Variants in SPATA6 observed in about 807,000 individuals in gnomAD.
SPATA6 encodes the protein spermatogenesis associated 6, also known as spermatogenesis-associated protein 6.
Under a neutral mutation model 65.3 loss-of-function variants are expected in SPATA6, and 56 were observed. The ratio of observed to expected loss-of-function variants is 0.86; its 90% CI spans 0.69 to 1.07. The LOEUF (loss-of-function observed/expected upper bound fraction) is 1.07, where lower values mean the gene tolerates loss of function less well. Among genes scored for constraint, SPATA6 ranks in the 50% least tolerant of loss-of-function variants. The pLI, the probability that SPATA6 is intolerant of heterozygous loss-of-function variation, is 0.00. For synonymous variants in SPATA6, 199 were observed against 213.2 expected (o/e 0.93, Z 0.58); for missense variants, 590 against 594.8 (o/e 0.99, Z 0.08).
At chr1:48,436,790 A>C in intron 3 of SPATA6, 2 of 1,614,172 alleles carry the variant, frequency 1.2e-6, no homozygotes, top group Non-Finnish European at 1.7e-6. Context: ...CATAGAACTC[A>C]GATGCTGTTA....
At chr1:48,368,127 A>C (rs1457088054) in intron 9 of SPATA6, among the ~76,000 whole-genome samples, 2 of 151,890 alleles carry the variant, frequency 1.3e-5, no homozygotes, top group Admixed American at 6.6e-5. Context: ...ATTGGCCCCC[A>C]CTCTCTCCTG....
At chr1:48,430,619 T>G (rs1191419223) in intron 3 of SPATA6, among the ~76,000 whole-genome samples, 1 of 152,196 alleles carries the variant, frequency 6.6e-6, no homozygotes, top group Admixed American at 6.5e-5. Flanking sequence ...ACTCCACATT[T>G]TTGTTTGCAA....
Position 48,411,502 on chromosome 1 carries a change from T to C in SPATA6, c.367A>G (p.Asn123Asp). 6.2e-7 allele frequency: 1 copy of C among 1,608,884 alleles called. No homozygotes were observed. Among genetic ancestry groups the C allele is most frequent in the Non-Finnish European group, 8.5e-7 (1 of 1,177,090 alleles). Residue 123 changes from asparagine to aspartate, a missense_variant, in exon 5 of 13, where the codon AAC becomes GAC. Transcript: ENST00000371847. Reference protein sequence around the residue: ...PNQMSGHHDSNRQVTMRRISG... With the variant: ...PNQMSGHHDSDRQVTMRRISG... ...ATCCTCCTCATGGTAACCTGGCGGT[T>C]TGAATCATGGTGTCCAGACATTTGG...
chr1:48,369,625 C>T (rs571636860), intron 9 of SPATA6, among the ~76,000 whole-genome samples: 4 of 152,276 alleles, frequency 2.6e-5, no homozygotes, highest in Admixed American at 6.5e-5. Context: ...TTAAGCCCGT[C>T]GGAAAAGCGC....
At chr1:48,397,033 A>G (rs979002704) in intron 7 of SPATA6, among the ~76,000 whole-genome samples, 1 of 151,720 alleles carries the variant, frequency 6.6e-6, no homozygotes, top group African/African-American at 2.4e-5. Flanking sequence ...AGCCATAAAA[A>G]GGAATCAAGT....
chr1:48,434,339 A>C (rs1301563547), intron 3 of SPATA6, among the ~76,000 whole-genome samples: 4 of 151,980 alleles, frequency 2.6e-5, no homozygotes, highest in African/African-American at 7.2e-5. Context: ...TTTAAAAATA[A>C]ATAATATGTC....
At chr1:48,402,957 T>C (rs1394981594) in intron 6 of SPATA6, among the ~76,000 whole-genome samples, 1 of 152,128 alleles carries the variant, frequency 6.6e-6, no homozygotes, top group Non-Finnish European at 1.5e-5. Context: ...GGTGGGCAGA[T>C]TGCTTGAGCT....
At chr1:48,374,016 A>G (rs1195122711) in intron 9 of SPATA6, among the ~76,000 whole-genome samples, 2 of 152,162 alleles carry the variant, frequency 1.3e-5, no homozygotes, top group Admixed American at 6.5e-5. Context: ...TGCACAGTCT[A>G]TTGGCTAGAA....
intron 11 of SPATA6, among the ~76,000 whole-genome samples, chr1:48,317,697 CAAAG>C (rs554588120): frequency 2.6e-5 from 4 of 151,804 alleles, no homozygotes; most frequent in Admixed American, 6.6e-5. Context: ...AAACTTAACA[CAAAG>C]AAGAGCTCAA....
intron 11 of SPATA6, among the ~76,000 whole-genome samples, chr1:48,315,812 T>C (rs999445604): frequency 6.6e-6 from 1 of 152,164 alleles, no homozygotes; most frequent in African/African-American, 2.4e-5. Flanking sequence ...GCCCAAAATC[T>C]CCTTAAGCTG....
the SPATA6 span, among the ~76,000 whole-genome samples, chr1:48,277,683 G>A: frequency 1.2e-4 from 19 of 152,208 alleles, no homozygotes; most frequent in South Asian, 8.3e-4. Flanking sequence ...TGGGAAGCTC[G>A]AACTGGGTGG....
intron 11 of SPATA6, among the ~76,000 whole-genome samples, chr1:48,334,076 C>T (rs1645992001): frequency 6.6e-6 from 1 of 151,968 alleles, no homozygotes. Flanking sequence ...CAAGACTAAA[C>T]ATGGAAGAAA....
downstream of SPATA6, among the ~76,000 whole-genome samples, chr1:48,292,703 G>A (rs539031184): frequency 6.6e-6 from 1 of 152,374 alleles, no homozygotes; most frequent in South Asian, 2.1e-4. Flanking sequence ...AGCTGGGTAA[G>A]GGCATGCACG....
intron 11 of SPATA6, chr1:48,325,221 G>C (rs1188756375): frequency 2.8e-6 from 2 of 723,486 alleles, no homozygotes; most frequent in Non-Finnish European, 4.9e-6. Context: ...GGCACAATGG[G>C]AGTCAAGTCC....
At chr1:48,312,024 G>A (rs1348750867) in intron 11 of SPATA6, among the ~76,000 whole-genome samples, 3 of 152,272 alleles carry the variant, frequency 2.0e-5, no homozygotes, top group Admixed American at 2.0e-4. Context: ...CTGGGGGAGG[G>A]GCGCCCATTG....
intron 11 of SPATA6, among the ~76,000 whole-genome samples, chr1:48,306,434 G>C (rs1645064267): frequency 6.6e-6 from 1 of 151,938 alleles, no homozygotes. Context: ...TGTATGGGCA[G>C]CCTGTTCTTA....
intron 9 of SPATA6, among the ~76,000 whole-genome samples, chr1:48,372,827 C>T (rs2148864256): frequency 6.6e-6 from 1 of 152,334 alleles, no homozygotes; most frequent in African/African-American, 2.4e-5. Context: ...CTTGGGGCTT[C>T]CACCCTCTGA....
chr1:48,281,655 C>A, the SPATA6 span, among the ~76,000 whole-genome samples: 1 of 151,178 alleles, frequency 6.6e-6, no homozygotes, highest in Non-Finnish European at 1.5e-5. Context: ...TCAAGGAGAA[C>A]TACAAACCAC....
rs58072004 is a variant in SPATA6, at chr1:48,299,516, GA to G, written c.1287-624del. Among the ~76,000 whole-genome samples, 37 of 38,200 alleles carry G rather than the reference GA, an allele frequency of 9.7e-4. 2 individuals carry two copies. Among genetic ancestry groups the G allele is most frequent in the Non-Finnish European group, 1.1e-3 (23 of 21,050 alleles). 25.1% of individuals were successfully genotyped at this position (38,200 alleles called of 152,430 possible). ...ACAACAAGAGCAAAACTCCGTCTCG[GA>G]AAAAAAAAAAAAAAAAAAAAGAATG... On this transcript the variant is annotated intron_variant, in intron 12 of 12. Transcript: ENST00000371847.
Sources: gnomAD v4.1 joint callset for allele counts (sites outside exome capture counted in the v4.1 genomes callset) on GRCh38, gnomAD v4.1.1 for gene constraint, MANE v1.5 for transcripts, NCBI Gene and HGNC (gene_info 2026-07-23, HGNC 2026-07-21) for gene names.